Variants in RALYL observed in about 807,000 individuals in gnomAD.
The protein encoded by RALYL is RALY RNA binding protein like.
A neutral mutation model predicts 35.1 loss-of-function variants in RALYL; 29 were observed. The observed-to-expected ratio is 0.83, with a 90% CI of 0.61 to 1.13. RALYL has a LOEUF of 1.13. RALYL is among the 50% of genes most tolerant of loss of function. The pLI is 0.00. For missense variants in RALYL, 359 were observed against 360.4 expected (o/e 1.00, Z 0.03); for synonymous variants, 120 against 127.6 (o/e 0.94, Z 0.40).
intron 1 of RALYL, among the ~76,000 whole-genome samples, chr8:84,328,220 C>G (rs1243961250): frequency 6.6e-6 from 1 of 152,140 alleles, no homozygotes; most frequent in African/African-American, 2.4e-5. Flanking sequence ...CAGAGAACAT[C>G]TGGGTTAGCT....
In RALYL at chr8:84,872,443, A is replaced by G. The variant is rs542607696; in HGVS notation, c.572-841A>G. 5 of 152,304 alleles carry G rather than the reference A, an allele frequency of 3.3e-5. No homozygotes were observed. The East Asian group carries it at 5.8e-4, about 18-fold the overall frequency. 9.4% of individuals were successfully genotyped at this position (152,304 alleles called of 1,614,324 possible). ...AAATATAAACATATTTCATTTAAAG[A>G]ATTGTCTTCGAAATATGAGATTGTT... On this transcript the variant is annotated intron_variant, in intron 6 of 8. Coordinates refer to ENST00000521268, the MANE Select transcript of RALYL (RefSeq NM_173848.7).
At chr8:84,816,241 A>AT (rs1334223884) in intron 4 of RALYL, among the ~76,000 whole-genome samples, 1 of 152,142 alleles carries the variant, frequency 6.6e-6, no homozygotes, top group African/African-American at 2.4e-5. Flanking sequence ...ATGTCAAAAA[A>AT]TGCATGAAGT....
chr8:84,382,336 T>C (rs16912770), intron 1 of RALYL, among the ~76,000 whole-genome samples: 5,301 of 151,684 alleles, frequency 0.035, 130 homozygotes, highest in East Asian at 0.13. Context: ...TTTTTTATGG[T>C]TTAACACTCT....
intron 2 of RALYL, among the ~76,000 whole-genome samples, chr8:84,764,009 CAG>C (rs2133401604): frequency 1.2e-5 from 1 of 82,172 alleles, no homozygotes; most frequent in Non-Finnish European, 2.6e-5. Context: ...AACAAAAGAA[CAG>C]AGACAGATCT....
intron 2 of RALYL, among the ~76,000 whole-genome samples, chr8:84,585,911 G>A (rs968772924): frequency 6.6e-6 from 1 of 151,942 alleles, no homozygotes; most frequent in African/African-American, 2.4e-5. Context: ...AAAACGTGAT[G>A]TTTGGCCAGG....
chr8:84,358,426 A>G (rs1852295122), intron 1 of RALYL, among the ~76,000 whole-genome samples: 1 of 152,040 alleles, frequency 6.6e-6, no homozygotes, highest in African/African-American at 2.4e-5. Context: ...ATGCAATAAA[A>G]CAATAAAATG....
intron 2 of RALYL, among the ~76,000 whole-genome samples, chr8:84,541,206 A>T (rs1258369298): frequency 6.6e-6 from 1 of 151,400 alleles, no homozygotes; most frequent in African/African-American, 2.4e-5. Flanking sequence ...ATTGATTTTT[A>T]GCTTCTCATG....
At chr8:84,207,805 T>TGC (rs1818407246) in intron 1 of RALYL, among the ~76,000 whole-genome samples, 1 of 138,388 alleles carries the variant, frequency 7.2e-6, no homozygotes, top group Non-Finnish European at 1.6e-5. Context: ...ATAATGTGTG[T>TGC]GTGTGTGTGT....
At chr8:84,600,337 A>G (rs1388414759) in intron 2 of RALYL, among the ~76,000 whole-genome samples, 1 of 152,040 alleles carries the variant, frequency 6.6e-6, no homozygotes, top group African/African-American at 2.4e-5. Flanking sequence ...TTCTTTATAT[A>G]TAAATACAGA....
intron 4 of RALYL, among the ~76,000 whole-genome samples, chr8:84,813,295 G>A (rs1285361596): frequency 6.6e-6 from 1 of 152,174 alleles, no homozygotes; most frequent in African/African-American, 2.4e-5. Context: ...GGAGCACTCT[G>A]CCTCCTTCAG....
chr8:84,598,122 T>C (rs1462845291), intron 2 of RALYL, among the ~76,000 whole-genome samples: 1 of 152,144 alleles, frequency 6.6e-6, no homozygotes, highest in Non-Finnish European at 1.5e-5. Flanking sequence ...TATGCTTGTC[T>C]TCATGGAATG....
At chr8:84,462,218 C>T (rs912761085) in intron 1 of RALYL, among the ~76,000 whole-genome samples, 3 of 150,664 alleles carry the variant, frequency 2.0e-5, no homozygotes, top group Non-Finnish European at 1.5e-5. Context: ...ATGTTCATTG[C>T]TTATTTGTCA....
At chr8:84,320,101 C>T (rs1479724722) in intron 1 of RALYL, among the ~76,000 whole-genome samples, 3 of 151,904 alleles carry the variant, frequency 2.0e-5, no homozygotes, top group Admixed American at 6.6e-5. Flanking sequence ...TAATTTTCTG[C>T]CATAGTAGTA....
chr8:84,294,492 A>T (rs1839384111), intron 1 of RALYL, among the ~76,000 whole-genome samples: 2 of 152,130 alleles, frequency 1.3e-5, no homozygotes, highest in South Asian at 4.1e-4. Context: ...CAGGGAGTTT[A>T]CTAATTCCTG....
chr8:84,917,786 G>C (rs532170732), intron 8 of RALYL, among the ~76,000 whole-genome samples: 1 of 151,780 alleles, frequency 6.6e-6, no homozygotes, highest in Non-Finnish European at 1.5e-5. Context: ...ATGATTATTT[G>C]AGCCTAAAAA....
rs557776241 is a variant in RALYL at position 84,197,900 on chromosome 8, G to A, written c.-24+13476G>A. Among the ~76,000 whole-genome samples, 116 of 152,024 alleles carry A rather than the reference G, an allele frequency of 7.6e-4. 1 individual carries two copies. Among genetic ancestry groups the A allele is most frequent in the Admixed American group, 3.9e-3 (59 of 15,262 alleles). ...TTGATGCCTTCTTCTCCCATTAGGC[G>A]ATAGCTTTATGACAATACAGTTTAT... On this transcript the variant is annotated intron_variant, in intron 1 of 8. Transcript: ENST00000521268.
chr8:84,260,058 A>C (rs898722578), intron 1 of RALYL, among the ~76,000 whole-genome samples: 1 of 152,170 alleles, frequency 6.6e-6, no homozygotes, highest in Non-Finnish European at 1.5e-5. Context: ...CTGGTCTGGC[A>C]GCTATACAAG....
At chr8:84,513,524 T>G (rs960563574) in intron 1 of RALYL, among the ~76,000 whole-genome samples, 1 of 152,178 alleles carries the variant, frequency 6.6e-6, no homozygotes, top group Admixed American at 6.5e-5. Context: ...GAGATAAACA[T>G]GTAATCTCAA....
intron 2 of RALYL, among the ~76,000 whole-genome samples, chr8:84,579,942 C>A (rs1239922453): frequency 1.3e-5 from 2 of 152,094 alleles, no homozygotes; most frequent in Non-Finnish European, 2.9e-5. Context: ...TGAAATTAAT[C>A]TTCATAGTGT....
Sources: gnomAD v4.1 joint callset for allele counts (sites outside exome capture counted in the v4.1 genomes callset) on GRCh38, gnomAD v4.1.1 for gene constraint, MANE v1.5 for transcripts, NCBI Gene and HGNC (gene_info 2026-07-23, HGNC 2026-07-21) for gene names.